TERB1: variants seen among roughly 807,000 people sequenced by gnomAD.
TERB1 encodes the protein telomere repeat binding bouquet formation protein 1, also known as telomere repeats-binding bouquet formation protein 1.
A neutral mutation model predicts 92.3 loss-of-function variants in TERB1; 63 were observed. The ratio of observed to expected loss-of-function variants is 0.68; its 90% CI spans 0.56 to 0.84. TERB1 has a LOEUF of 0.84. Among genes scored for constraint, TERB1 ranks in the 40% least tolerant of loss-of-function variants. The pLI is 0.00. For missense variants in TERB1, 709 were observed against 843.7 expected, an observed-to-expected ratio of 0.84 and a Z score of 1.98; for synonymous variants, 252 against 283.9, an observed-to-expected ratio of 0.89 and a Z score of 1.13.
chr16:66,790,453 G>A (rs965698178), intron 5 of TERB1, 142 bp downstream of exon 5: 37 of 550,480 alleles, frequency 6.7e-5, no homozygotes, highest in Non-Finnish European at 1.8e-5. Flanking sequence ...GAGAAAGGAA[G>A]GGAGGGGGGA....
intron 16 of TERB1, among the ~76,000 whole-genome samples, chr16:66,760,838 G>A (rs1398306151): frequency 2.2e-5 from 3 of 137,828 alleles, no homozygotes; most frequent in African/African-American, 8.2e-5. Flanking sequence ...TCTAGGTTGG[G>A]TGCAATGGCT....
intron 18 of TERB1, among the ~76,000 whole-genome samples, chr16:66,758,027 T>C (rs2145041698): frequency 1.3e-5 from 2 of 152,358 alleles, no homozygotes; most frequent in South Asian, 4.1e-4. Context: ...TCTGAAGCAC[T>C]TGTGCATAAT....
chr16:66,794,415 T>C (rs1384168958), intron 3 of TERB1, among the ~76,000 whole-genome samples: 13 of 150,672 alleles, frequency 8.6e-5, no homozygotes, highest in African/African-American at 3.2e-4. Context: ...GAAACTTCTT[T>C]ACGTATTCCT....
chr16:66,797,705 A>G (rs996206537), intron 2 of TERB1, among the ~76,000 whole-genome samples: 7 of 150,694 alleles, frequency 4.6e-5, no homozygotes, highest in African/African-American at 1.7e-4. Flanking sequence ...ATACTAAATT[A>G]ACAACCCATG....
intron 2 of TERB1, among the ~76,000 whole-genome samples, chr16:66,798,769 A>C (rs1231932751): frequency 6.6e-6 from 1 of 152,218 alleles, no homozygotes; most frequent in African/African-American, 2.4e-5. Context: ...TCTATTTTTC[A>C]CAATTTTTAT....
chr16:66,777,936 T>G (rs537961468), intron 10 of TERB1, among the ~76,000 whole-genome samples: 1 of 152,218 alleles, frequency 6.6e-6, no homozygotes, highest in Non-Finnish European at 1.5e-5. Flanking sequence ...AACAAAAAAG[T>G]TGTGAATTCC....
intron 14 of TERB1, 149 bp from the exon 15 acceptor site, chr16:66,768,317 C>T (rs946722116): frequency 4.7e-5 from 30 of 631,744 alleles, no homozygotes; most frequent in Admixed American, 2.0e-4. Context: ...CAAATTCTGC[C>T]AACGTAGGGC....
At chr16:66,777,111 A>G in intron 11 of TERB1, 92 bp downstream of exon 11, 1 of 1,220,442 alleles carries the variant, frequency 8.2e-7, no homozygotes, top group Non-Finnish European at 1.1e-6. Context: ...CAATACTTTT[A>G]AGACCTTCAC....
intron 16 of TERB1, 21 bp from the exon 17 acceptor site, chr16:66,759,311 G>T: frequency 6.6e-7 from 1 of 1,516,328 alleles, no homozygotes; most frequent in Non-Finnish European, 8.8e-7. Flanking sequence ...ACAAATTAAA[G>T]TTATGTGTAG....
chr16:66,785,881 A>C lies in TERB1; in HGVS notation c.605T>G (p.Leu202Arg). 6.5e-7 allele frequency: 1 copy of C among 1,545,634 alleles called. No homozygotes were observed. The highest frequency in any genetic ancestry group is 8.7e-7 in the Non-Finnish European group (1 of 1,144,378). Residue 202 changes from leucine to arginine, a missense_variant, in exon 9 of 19, where the codon CTT (leucine) becomes CGT (arginine). Transcript: ENST00000433154. ...TAGCCATTCATTAGCATGTGGAAAA[A>C]GGGAACAGCAAAACATTTGATTCTC... Reference protein sequence around the residue: ...NDENQMFCCSLFPHANEWLKN... With the variant: ...NDENQMFCCSRFPHANEWLKN...
chr16:66,770,784 A>G (rs952802728), intron 13 of TERB1, among the ~76,000 whole-genome samples: 1 of 152,164 alleles, frequency 6.6e-6, no homozygotes, highest in African/African-American at 2.4e-5. Context: ...CAGAAGCAAA[A>G]CCAAATGACA....
chr16:66,769,926 GAATA>G (rs2018414349), intron 14 of TERB1, 33 bp downstream of exon 14: 1 of 1,394,320 alleles, frequency 7.2e-7, no homozygotes, highest in Non-Finnish European at 9.9e-7. Flanking sequence ...AATGCTTGCT[GAATA>G]AATAAAAGTT....
chr16:66,777,159 G>A lies in TERB1; in HGVS notation c.985+44C>T, dbSNP rs363185. The stretch of plus-strand genomic sequence containing the variant: ...AAAAAAAAAACAGAAGTATATTTCC[G>A]CTTTACTATTTTAATAACCACACTC... On this transcript the variant is annotated intron_variant, in intron 11 of 18. Coordinates refer to ENST00000433154, the MANE Select transcript of TERB1 (RefSeq NM_001136505.2). 7,823 of 1,450,530 alleles carry A rather than the reference G, an allele frequency of 5.4e-3. 36 individuals carry two copies. Among genetic ancestry groups the A allele is most frequent in the Middle Eastern group, 8.1e-3 (45 of 5,532 alleles). 89.9% of individuals were successfully genotyped at this position (1,450,530 alleles called of 1,614,324 possible). A position where few individuals can be genotyped will look rare whatever the true frequency, so the allele number is the denominator to read the frequency against.
At chr16:66,793,449 C>T (rs1358856613) in intron 3 of TERB1, among the ~76,000 whole-genome samples, 2 of 151,732 alleles carry the variant, frequency 1.3e-5, no homozygotes, top group African/African-American at 4.8e-5. Context: ...AACTCCTGAC[C>T]TCAGGTGATC....
chr16:66,755,203 C>G, intron 18 of TERB1, 40 bp from the exon 19 acceptor site: 1 of 1,293,844 alleles, frequency 7.7e-7, no homozygotes, highest in Non-Finnish European at 1.1e-6. Context: ...ATTTGCTGAA[C>G]AAAGGTCCTG....
At chr16:66,759,410 A>G (rs1488626803) in intron 16 of TERB1, 120 bp from the exon 17 acceptor site, 1 of 744,776 alleles carries the variant, frequency 1.3e-6, no homozygotes, top group African/African-American at 1.8e-5. Flanking sequence ...AAACACCTCA[A>G]GAAGCTCAAA....
chr16:66,767,367 C>T, intron 16 of TERB1, 48 bp downstream of exon 16: 1 of 1,076,172 alleles, frequency 9.3e-7, no homozygotes, highest in Non-Finnish European at 1.3e-6. Context: ...TAGTTAATAT[C>T]ATAAAAGGCT....
At position 66,768,127 on chromosome 16, in the gene TERB1, A is replaced by G. The variant is rs1486195696; in HGVS notation, c.1661T>C (p.Ile554Thr). The change falls in exon 15 of 19, where the codon ATA becomes ACA. Residue 554 changes from isoleucine (I) to threonine (T), a missense_variant. Ile to Thr is a moderately conservative substitution (Grantham distance 89, BLOSUM62 -1). Coordinates refer to ENST00000433154, the MANE Select transcript of TERB1 (RefSeq NM_001136505.2). ...ACCTGTTACTGGTAACTGCTGCTTT[A>G]TATTTTTGGCAATGTGAACTGGGTG... ...FKHPVHIAKN[I>T]KQQLPVTDPF... 4 of 1,550,826 alleles carry G rather than the reference A, an allele frequency of 2.6e-6. No homozygotes were observed. The highest frequency in any genetic ancestry group is 3.5e-6 in the Non-Finnish European group (4 of 1,146,316).
intron 3 of TERB1, among the ~76,000 whole-genome samples, chr16:66,796,062 T>C (rs1361974995): frequency 6.6e-6 from 1 of 152,214 alleles, no homozygotes; most frequent in East Asian, 1.9e-4. Flanking sequence ...CATATATCTT[T>C]AGTCAAGCTC....
Sources: gnomAD v4.1 joint callset for allele counts (sites outside exome capture counted in the v4.1 genomes callset) on GRCh38, gnomAD v4.1.1 for gene constraint, MANE v1.5 for transcripts, NCBI Gene and HGNC (gene_info 2026-07-23, HGNC 2026-07-21) for gene names.